LAIR1: variants seen among roughly 807,000 people sequenced by gnomAD.
LAIR1 encodes the protein leukocyte associated immunoglobulin like receptor 1, also known as leukocyte-associated immunoglobulin-like receptor 1.
In LAIR1, 24 loss-of-function variants were observed where a neutral mutation model predicts 32.8. The observed-to-expected ratio is 0.73, with a 90% CI of 0.53 to 1.03. LAIR1 has a LOEUF of 1.03. Among genes scored for constraint, LAIR1 ranks in the 50% least tolerant of loss-of-function variants. LAIR1 has a pLI of 0.00. For missense variants in LAIR1, 355 were observed against 347.5 expected (o/e 1.02, Z -0.17); for synonymous variants, 150 against 140.5 (o/e 1.07, Z -0.48).
upstream of LAIR1, among the ~76,000 whole-genome samples, chr19:54,371,895 C>A (rs2082413716): frequency 6.6e-6 from 1 of 151,622 alleles, no homozygotes; most frequent in Non-Finnish European, 1.5e-5. Flanking sequence ...TGGAATCAGA[C>A]AGTGGATACG....
In LAIR1 at chr19:54,364,422, T is replaced by C. The variant is rs1449028601; in HGVS notation, c.35-92A>G. On this transcript the variant is annotated intron_variant, in intron 1 of 9. Transcript: ENST00000391742. This position sits in a 1 kb window ranked among gnomAD's most constrained non-coding sequence, Gnocchi z 4.8. ...GGGGGCTCGATGGAGCTGGGGGGCA[T>C]TCAGCATTTCATAACGACCAAGCCA... 6.8e-7 allele frequency: 1 copy of C among 1,470,738 alleles called. No homozygotes were observed. The highest frequency in any genetic ancestry group is 1.7e-5 in the Admixed American group (1 of 58,054). 91.1% of individuals were successfully genotyped at this position (1,470,738 alleles called of 1,614,324 possible).
rs1233123333 is a variant in LAIR1 at position 54,352,024 on chromosome 19, C to G, written c.*3244G>C. On this transcript the variant is annotated 3_prime_UTR_variant, in exon 10 of 10. Transcript: ENST00000391742. ...GGTCCTGGTACCTACAGTGATGGTT[C>G]TGAATAAAGCCCTCCTTACTCTGCT... is the stretch of plus-strand genomic sequence containing the variant. The G allele has an allele frequency of 1.3e-5, 2 of 152,180 alleles. No individual in the cohort carries two copies. Among genetic ancestry groups the G allele is most frequent in the Non-Finnish European group, 2.9e-5 (2 of 68,034 alleles). The allele number at this position is 152,180 out of a possible 1,614,324, so 9.4% of individuals were successfully genotyped here. A position where few individuals can be genotyped will look rare whatever the true frequency, so the allele number is the denominator to read the frequency against.
At chr19:54,366,136 T>A (rs1054255446), upstream of LAIR1, among the ~76,000 whole-genome samples, 3 of 152,108 alleles carry the variant, frequency 2.0e-5, no homozygotes, top group African/African-American at 7.2e-5. Flanking sequence ...AATGGGGAGT[T>A]ATTAACAAAC....
intron 2 of LAIR1, among the ~76,000 whole-genome samples, chr19:54,362,387 G>A (rs2885685): frequency 1.3e-5 from 2 of 152,136 alleles, no homozygotes; most frequent in Non-Finnish European, 2.9e-5. Context: ...GTTTTTCATG[G>A]GCTGCTAATT....
rs1341435106 is a variant in LAIR1, at chr19:54,364,279, C to T, written c.70+16G>A. The T allele has an allele frequency of 3.8e-5, 61 of 1,610,522 alleles. No individual in the cohort carries two copies. Among genetic ancestry groups the T allele is most frequent in the Admixed American group, 6.7e-5 (4 of 59,964 alleles). ...GACAGAGGGGACTGGGAAGATGGGA[C>T]GAAGGCATGACTTACCCTCCTGCGT... On this transcript the variant is annotated intron_variant, in intron 2 of 9. Coordinates refer to ENST00000391742, the MANE Select transcript of LAIR1 (RefSeq NM_002287.6). The surrounding 1 kb of genome is among the most constrained non-coding windows in gnomAD (Gnocchi z 4.8).
upstream of LAIR1, among the ~76,000 whole-genome samples, chr19:54,375,182 C>T (rs1215894763): frequency 1.3e-5 from 2 of 152,218 alleles, no homozygotes; most frequent in Admixed American, 6.5e-5. Context: ...CCTCTTCGAT[C>T]GCTAAGCTCC....
chr19:54,370,841 C>A (rs2082388137), upstream of LAIR1, among the ~76,000 whole-genome samples: 1 of 150,662 alleles, frequency 6.6e-6, no homozygotes, highest in Non-Finnish European at 1.5e-5. Context: ...TGTCCCAATC[C>A]TTCTATTCAA....
At position 54,356,800 on chromosome 19, in the gene LAIR1, A is replaced by G. The variant is rs2081737852; in HGVS notation, c.454+128T>C. 4.7e-6 allele frequency: 6 copies of G among 1,279,114 alleles called. No individual in the cohort carries two copies. In the South Asian group the frequency reaches 8.0e-5, roughly 17 times the overall value. The allele number at this position is 1,279,114 out of a possible 1,614,324, so 79.2% of individuals were successfully genotyped here. Reference sequence around the variant, plus strand: ...CCACCACCGGGGTCCTGAGTGCTGGAGTCCTCTGCACAGGGACACAGACTG... The same window carrying G: ...CCACCACCGGGGTCCTGAGTGCTGGGGTCCTCTGCACAGGGACACAGACTG... On this transcript the variant is annotated intron_variant, in intron 5 of 9. Coordinates refer to ENST00000391742, the MANE Select transcript of LAIR1 (RefSeq NM_002287.6).
At chr19:54,360,781 G>T in intron 3 of LAIR1, 135 bp downstream of exon 3, 4 of 631,262 alleles carry the variant, frequency 6.3e-6, no homozygotes, top group Non-Finnish European at 1.0e-5. Flanking sequence ...GAGGAAGAAG[G>T]GGAGGGGAGG....
At chr19:54,361,393 A>G (rs2082017670) in intron 2 of LAIR1, 184 bp from the exon 3 acceptor site, 14 of 696,830 alleles carry the variant, frequency 2.0e-5, no homozygotes, top group Non-Finnish European at 3.0e-5. Flanking sequence ...GATTCTCATC[A>G]CTGCAGAGTT....
rs1157597662 is a variant in LAIR1, at chr19:54,354,617, AGGCAGAGAGTG to A, written c.*640_*650del. ...CTCACTCAGCTTTGAACAACTGTGA[AGGCAGAGAGTG>A]GGTCCGAGAGACCTATGCACCCAGG... is the stretch of plus-strand genomic sequence containing the variant. On this transcript the variant is annotated 3_prime_UTR_variant, in exon 10 of 10. Coordinates refer to ENST00000391742, the MANE Select transcript of LAIR1 (RefSeq NM_002287.6). 3.3e-5 allele frequency: 5 copies of A among 152,238 alleles called. No individual in the cohort carries two copies. The highest frequency in any genetic ancestry group is 1.2e-4 in the African/African-American group (5 of 41,452). The allele number at this position is 152,238 out of a possible 1,614,324, so 9.4% of individuals were successfully genotyped here.
At chr19:54,358,396 TA>T (rs1401149407) in intron 4 of LAIR1, 133 of 113,818 alleles carry the variant, frequency 1.2e-3, no homozygotes, top group Middle Eastern at 3.1e-3. Context: ...AATATATATA[TA>T]ATATATATAT....
chr19:54,366,924 C>T (rs946045780), upstream of LAIR1, among the ~76,000 whole-genome samples: 18 of 152,030 alleles, frequency 1.2e-4, no homozygotes, highest in African/African-American at 4.3e-4. Context: ...TGTAAAAGTT[C>T]GAAAAATTTG....
chr19:54,364,337 G>T lies in LAIR1; in HGVS notation c.35-7C>A, dbSNP rs1191529479. ...GTCTGGGCCAGGCAGAGCACTGGAAGAGAAGCCCCAGTGAGAAAAATGCCC... is the reference window on the plus strand; with the variant it reads ...GTCTGGGCCAGGCAGAGCACTGGAATAGAAGCCCCAGTGAGAAAAATGCCC... On this transcript the variant is annotated splice_polypyrimidine_tract_variant and splice_region_variant and intron_variant, in intron 1 of 9. Transcript: ENST00000391742. The surrounding 1 kb of genome is among the most constrained non-coding windows in gnomAD (Gnocchi z 4.8). 1 of 1,613,818 alleles carries T rather than the reference G, an allele frequency of 6.2e-7. No individual in the cohort carries two copies. Among genetic ancestry groups the T allele is most frequent in the African/African-American group, 1.3e-5 (1 of 74,882 alleles).
chr19:54,360,785 G>A (rs560028913), intron 3 of LAIR1, 131 bp downstream of exon 3: 1 of 648,686 alleles, frequency 1.5e-6, no homozygotes, highest in Non-Finnish European at 2.4e-6. Context: ...AAGAAGGGGA[G>A]GGGAGGGCTT....
upstream of LAIR1, among the ~76,000 whole-genome samples, chr19:54,369,787 G>C (rs568604637): frequency 6.6e-6 from 1 of 151,668 alleles, no homozygotes; most frequent in Admixed American, 6.5e-5. Flanking sequence ...AATGACACAA[G>C]ATGCAATGTG....
chr19:54,352,846 AAGAC>A lies in LAIR1; in HGVS notation c.*2418_*2421del, dbSNP rs1160749164. ...ATGGTTGAAAAACAACCAGAGAAGA[AAGAC>A]AGAGATGTAGAAAAAGAGACAAAGA... On this transcript the variant is annotated 3_prime_UTR_variant, in exon 10 of 10. Coordinates refer to ENST00000391742, the MANE Select transcript of LAIR1 (RefSeq NM_002287.6). 3 of 152,296 alleles carry A rather than the reference AAGAC, an allele frequency of 2.0e-5. No individual in the cohort carries two copies. The highest frequency in any genetic ancestry group is 4.4e-5 in the Non-Finnish European group (3 of 68,062). 9.4% of individuals were successfully genotyped at this position (152,296 alleles called of 1,614,324 possible).
rs1159570661 is a variant in LAIR1 at position 54,361,059 on chromosome 19, A to C, written c.221T>G (p.Val74Gly). The C allele has an allele frequency of 6.2e-7, 1 of 1,614,100 alleles. No individual in the cohort carries two copies. The highest frequency in any genetic ancestry group is 1.3e-5 in the African/African-American group (1 of 74,936). ...TGACTCAGATGGACTAGCTTGAGAC[A>C]CATCTTCAGTATCATTGTATGTGGA... ...SRSTYNDTED[V>G]SQASPSESEA... Residue 74 changes from valine (V) to glycine (G), a missense_variant, in exon 3 of 10, where the codon GTG becomes GGG. Coordinates refer to ENST00000391742, the MANE Select transcript of LAIR1 (RefSeq NM_002287.6).
At chr19:54,375,834 C>T in the LAIR1 span, among the ~76,000 whole-genome samples, 1 of 151,832 alleles carries the variant, frequency 6.6e-6, no homozygotes, top group Non-Finnish European at 1.5e-5. Flanking sequence ...GTGGAGGGCA[C>T]ACCTCTGACT....
Sources: gnomAD v4.1 joint callset for allele counts (sites outside exome capture counted in the v4.1 genomes callset) on GRCh38, gnomAD v4.1.1 for gene constraint, Gnocchi (gnomAD v3.1) non-coding constraint, MANE v1.5 for transcripts, NCBI Gene and HGNC (gene_info 2026-07-23, HGNC 2026-07-21) for gene names.